Variants in CERS6 observed in about 807,000 individuals in gnomAD.
CERS6 encodes LAG1 homolog, ceramide synthase 6.
A neutral mutation model predicts 56.8 loss-of-function variants in CERS6; 26 were observed. The observed-to-expected ratio is 0.46, with a 90% CI of 0.34 to 0.63. The LOEUF is 0.63. CERS6 is among the 30% of genes least tolerant of loss of function. CERS6 has a pLI of 0.01. For synonymous variants in CERS6, 164 were observed against 173.3 expected (o/e 0.95, Z 0.42); for missense variants, 415 against 467.5 (o/e 0.89, Z 1.04).
At chr2:168,649,597 A>G (rs1685293791) in intron 4 of CERS6, among the ~76,000 whole-genome samples, 1 of 152,194 alleles carries the variant, frequency 6.6e-6, no homozygotes, top group African/African-American at 2.4e-5. Context: ...TGTACTAGAA[A>G]GAATAATATT....
At position 168,456,404 on chromosome 2, in the gene CERS6, C is replaced by G. The variant is rs1317883820; in HGVS notation, c.-45C>G. The stretch of plus-strand genomic sequence containing the variant: ...CCCGGGCGCCCTGCGCGGTGGAGAG[C>G]TTGGCGGGCTGCGGGTGCCGCAGGA... On this transcript the variant is annotated 5_prime_UTR_variant, in exon 1 of 10. Transcript: ENST00000305747. The surrounding 1 kb of genome is among the most constrained non-coding windows in gnomAD (Gnocchi z 4.1). 1 of 1,528,100 alleles carries G rather than the reference C, an allele frequency of 6.5e-7. No individual in the cohort carries two copies. The highest frequency in any genetic ancestry group is 1.2e-5 in the South Asian group (1 of 82,158). 94.7% of individuals were successfully genotyped at this position (1,528,100 alleles called of 1,614,324 possible).
At chr2:168,606,690 G>C (rs1684061404) in intron 3 of CERS6, among the ~76,000 whole-genome samples, 2 of 152,182 alleles carry the variant, frequency 1.3e-5, no homozygotes, top group African/African-American at 4.8e-5. Flanking sequence ...GGTTGATATG[G>C]TTTGGATCTC....
At chr2:168,678,398 C>T (rs536318951) in intron 4 of CERS6, among the ~76,000 whole-genome samples, 53 of 152,308 alleles carry the variant, frequency 3.5e-4, no homozygotes, top group Middle Eastern at 3.4e-3. Context: ...TGCAAGGGGG[C>T]TGAGAAGCAC....
chr2:168,629,030 A>G (rs72877879), intron 3 of CERS6, among the ~76,000 whole-genome samples: 9,566 of 152,224 alleles, frequency 0.063, 426 homozygotes, highest in Non-Finnish European at 0.093. Context: ...AAGTTGCAAG[A>G]TGCTTGAAAA....
At chr2:168,503,979 G>T (rs1694631667) in intron 1 of CERS6, among the ~76,000 whole-genome samples, 1 of 152,194 alleles carries the variant, frequency 6.6e-6, no homozygotes, top group Admixed American at 6.5e-5. Flanking sequence ...AAGCCTAAAG[G>T]GGTTAATGTG....
chr2:168,603,543 C>T (rs904100690), intron 3 of CERS6, among the ~76,000 whole-genome samples: 4 of 152,166 alleles, frequency 2.6e-5, no homozygotes, highest in Admixed American at 6.5e-5. Context: ...TTAAACTGGC[C>T]GTACCAGATT....
At chr2:168,740,221 C>T (rs1192804072) in intron 8 of CERS6, among the ~76,000 whole-genome samples, 4 of 152,054 alleles carry the variant, frequency 2.6e-5, no homozygotes, top group Non-Finnish European at 5.9e-5. Context: ...TGTTACACAG[C>T]AGGTGAAAAT....
chr2:168,758,160 C>T (rs77323801), intron 8 of CERS6, among the ~76,000 whole-genome samples: 1 of 152,172 alleles, frequency 6.6e-6, no homozygotes, highest in African/African-American at 2.4e-5. Context: ...AATCTACTTT[C>T]ATTTATGTTT....
At chr2:168,487,603 G>T (rs76312572) in intron 1 of CERS6, among the ~76,000 whole-genome samples, 4,544 of 151,990 alleles carry the variant, frequency 0.03, 85 homozygotes, top group Non-Finnish European at 0.049. Context: ...CTTACTTTAG[G>T]CTTGCTTACC....
At chr2:168,489,938 G>A (rs1222997941) in intron 1 of CERS6, among the ~76,000 whole-genome samples, 6 of 152,034 alleles carry the variant, frequency 3.9e-5, no homozygotes, top group African/African-American at 1.4e-4. Context: ...TAGATTCTGG[G>A]TCCTGTTCTA....
rs1683789108 is a variant in CERS6 at position 168,596,054 on chromosome 2, G to T, written c.407+34732G>T. Among the ~76,000 whole-genome samples, 3 of 144,732 alleles carry T rather than the reference G, an allele frequency of 2.1e-5. 1 individual carries two copies. In the South Asian group the frequency reaches 6.5e-4, roughly 32 times the overall value. The allele number at this position is 144,732 out of a possible 152,430, so 94.9% of individuals were successfully genotyped here. A position where few individuals can be genotyped will look rare whatever the true frequency, so the allele number is the denominator to read the frequency against. On this transcript the variant is annotated intron_variant, in intron 3 of 9. Transcript: ENST00000305747. The stretch of plus-strand genomic sequence containing the variant: ...ATGTGAGCCCAGGAGTTCAAGACCA[G>T]CCTGGGCAACAAAGCGAGACCCTGT...
At chr2:168,725,061 C>T (rs1223999464) in intron 8 of CERS6, among the ~76,000 whole-genome samples, 1 of 152,234 alleles carries the variant, frequency 6.6e-6, no homozygotes, top group East Asian at 1.9e-4. Context: ...GCAGCTAAGG[C>T]CCAGCGAGAA....
intron 3 of CERS6, among the ~76,000 whole-genome samples, chr2:168,625,843 G>A (rs564080895): frequency 3.3e-5 from 5 of 152,080 alleles, no homozygotes; most frequent in Non-Finnish European, 5.9e-5. Context: ...GAAAAGAAGC[G>A]TCTTTTCGGT....
chr2:168,654,835 T>C (rs931574056), intron 4 of CERS6, among the ~76,000 whole-genome samples: 9 of 152,252 alleles, frequency 5.9e-5, no homozygotes, highest in Admixed American at 4.6e-4. Flanking sequence ...TATAGTCTTA[T>C]TGATAATCTC....
At chr2:168,748,914 C>T (rs556680098) in intron 8 of CERS6, among the ~76,000 whole-genome samples, 2 of 152,166 alleles carry the variant, frequency 1.3e-5, no homozygotes, top group East Asian at 1.9e-4. Context: ...TGCAGTGCCC[C>T]AGGGAAGCAG....
In CERS6 at chr2:168,741,409, A is replaced by G. The variant is rs10469696; in HGVS notation, c.845+23431A>G. ...AAAAAAAAAAAAGACAAACTTAGCT[A>G]GAAAACCAGTTAGAGCAGGGGTGTC... On this transcript the variant is annotated intron_variant, in intron 8 of 9. Coordinates refer to ENST00000305747, the MANE Select transcript of CERS6 (RefSeq NM_203463.3). Among the ~76,000 whole-genome samples the G allele has an allele frequency of 5.7e-3, 859 of 152,022 alleles. 7 individuals are homozygous for G. The highest frequency in any genetic ancestry group is 0.02 in the African/African-American group (822 of 41,418).
chr2:168,520,855 C>T (rs1038176358), intron 1 of CERS6, among the ~76,000 whole-genome samples: 6 of 151,676 alleles, frequency 4.0e-5, no homozygotes, highest in Non-Finnish European at 5.9e-5. Context: ...AGTGATCTGC[C>T]GCCTCAGCCT....
intron 8 of CERS6, among the ~76,000 whole-genome samples, chr2:168,729,823 A>G (rs1397968900): frequency 2.0e-5 from 3 of 152,188 alleles, no homozygotes; most frequent in East Asian, 3.8e-4. Flanking sequence ...CAAGAGAGCA[A>G]ACACTTCACA....
At chr2:168,656,377 C>A (rs1391365332) in intron 4 of CERS6, among the ~76,000 whole-genome samples, 2 of 152,178 alleles carry the variant, frequency 1.3e-5, no homozygotes, top group Non-Finnish European at 2.9e-5. Context: ...TCACTGACTT[C>A]AAGAATGAAG....
Sources: gnomAD v4.1 joint callset for allele counts (sites outside exome capture counted in the v4.1 genomes callset) on GRCh38, gnomAD v4.1.1 for gene constraint, Gnocchi (gnomAD v3.1) non-coding constraint, MANE v1.5 for transcripts, NCBI Gene and HGNC (gene_info 2026-07-23, HGNC 2026-07-21) for gene names.